Variants in CELF2 observed in about 807,000 individuals in gnomAD.
CELF2 encodes CUGBP Elav-like family member 2, also known as CUG triplet repeat RNA-binding protein 2.
CELF2 carries 8 observed loss-of-function variants against 62.6 expected under a neutral mutation model. That is an observed-to-expected ratio of 0.13 (90% confidence interval 0.07 to 0.23). The LOEUF (loss-of-function observed/expected upper bound fraction) is 0.23. Among genes scored for constraint, CELF2 ranks in the 10% least tolerant of loss-of-function variants. The pLI, the probability that CELF2 is intolerant of heterozygous loss-of-function variation, is 1.00. For missense variants in CELF2, 333 were observed against 671.0 expected (o/e 0.50, Z 5.56); for synonymous variants, 258 against 250.0 (o/e 1.03, Z -0.30).
At chr10:11,017,490 C>T (rs140805199), upstream of CELF2, among the ~76,000 whole-genome samples, 39 of 152,310 alleles carry the variant, frequency 2.6e-4, no homozygotes, top group East Asian at 7.2e-3. The surrounding 1 kb of genome is among the most constrained non-coding windows in gnomAD (Gnocchi z 5.5). Context: ...CGGTGATCGC[C>T]CTTAGTTCCT....
chr10:10,925,481 C>T (rs530871194), intron 2 of CELF2, among the ~76,000 whole-genome samples: 1 of 152,048 alleles, frequency 6.6e-6, no homozygotes, highest in Non-Finnish European at 1.5e-5. Context: ...CAGACGGACA[C>T]CATCTCTTCT....
the CELF2 span, among the ~76,000 whole-genome samples, chr10:10,576,457 A>G: frequency 1.3e-5 from 2 of 152,116 alleles, no homozygotes; most frequent in Non-Finnish European, 2.9e-5. Flanking sequence ...CTTCTAACGT[A>G]TTAGTTAATA....
intron 2 of CELF2, among the ~76,000 whole-genome samples, chr10:11,204,592 C>A (rs904752623): frequency 6.6e-6 from 1 of 152,238 alleles, no homozygotes; most frequent in Non-Finnish European, 1.5e-5. Flanking sequence ...AGCAGCCACC[C>A]GCAGAGAGCT....
chr10:10,773,184 A>C, the CELF2 span, among the ~76,000 whole-genome samples: 352 of 152,316 alleles, frequency 2.3e-3, 1 homozygote, highest in Admixed American at 3.2e-3. Context: ...GGGAGGGAAA[A>C]ATAACCCCCC....
the CELF2 span, among the ~76,000 whole-genome samples, chr10:10,532,034 G>A: frequency 2.6e-5 from 4 of 152,354 alleles, no homozygotes; most frequent in South Asian, 8.3e-4. Flanking sequence ...CTGAGAGTGA[G>A]GAAAGTACAC....
chr10:10,639,490 G>A, the CELF2 span, among the ~76,000 whole-genome samples: 3,077 of 152,220 alleles, frequency 0.02, 201 homozygotes, highest in Admixed American at 0.13. Context: ...TCCTCACAAG[G>A]CACTGATGCA....
chr10:10,649,597 C>T, the CELF2 span, among the ~76,000 whole-genome samples: 5 of 152,164 alleles, frequency 3.3e-5, no homozygotes, highest in Non-Finnish European at 5.9e-5. Context: ...AATTCACTGA[C>T]ATTACCTCTG....
chr10:10,705,824 C>T, the CELF2 span, among the ~76,000 whole-genome samples: 17 of 152,156 alleles, frequency 1.1e-4, no homozygotes, highest in Admixed American at 2.6e-4. Flanking sequence ...TGTCCCAGTT[C>T]GCCATGAACA....
chr10:11,193,426 A>G (rs1335767661), intron 2 of CELF2, among the ~76,000 whole-genome samples: 4 of 152,256 alleles, frequency 2.6e-5, no homozygotes, highest in South Asian at 4.1e-4. Context: ...TGCAGAAATT[A>G]CATTTAAATG....
intron 1 of CELF2, among the ~76,000 whole-genome samples, chr10:10,918,174 A>C (rs1460328316): frequency 6.6e-6 from 1 of 152,222 alleles, no homozygotes; most frequent in Non-Finnish European, 1.5e-5. Context: ...GATAAAACAG[A>C]CACTTAAAAG....
At chr10:10,845,811 C>CA (rs1231113815) in intron 1 of CELF2, among the ~76,000 whole-genome samples, 2 of 152,064 alleles carry the variant, frequency 1.3e-5, no homozygotes, top group African/African-American at 4.8e-5. Flanking sequence ...GCTTGGAATG[C>CA]CCTCTTTCAA....
At chr10:10,811,480 G>C (rs374110173) in intron 1 of CELF2, among the ~76,000 whole-genome samples, 6 of 152,034 alleles carry the variant, frequency 3.9e-5, no homozygotes, top group African/African-American at 9.7e-5. Context: ...CCACAGAGAT[G>C]GGGGGAGAGG....
chr10:10,580,763 A>G, the CELF2 span, among the ~76,000 whole-genome samples: 1 of 152,230 alleles, frequency 6.6e-6, no homozygotes, highest in African/African-American at 2.4e-5. Flanking sequence ...CTGTCTCCTG[A>G]GAATCAGAGA....
chr10:10,595,762 A>G, the CELF2 span, among the ~76,000 whole-genome samples: 7 of 152,154 alleles, frequency 4.6e-5, no homozygotes, highest in South Asian at 1.4e-3. Context: ...CAGGTATGAT[A>G]GCATGCACCT....
rs2078475577 is a variant in CELF2 at position 11,255,603 on chromosome 10, C to T, written c.404-2135C>T. Among the ~76,000 whole-genome samples, 1 of 152,106 alleles carries T rather than the reference C, an allele frequency of 6.6e-6. No individual in the cohort carries two copies. The highest frequency in any genetic ancestry group is 1.5e-5 in the Non-Finnish European group (1 of 68,020). ...GGAATCGTGCCTTTCAACTTGTATT[C>T]CTTGGAGCCCTAGAGTTTCTGCGGT... On this transcript the variant is annotated intron_variant, in intron 4 of 12. Coordinates refer to ENST00000633077, the MANE Select transcript of CELF2 (RefSeq NM_001326342.2). This position sits in a 1 kb window ranked among gnomAD's most constrained non-coding sequence, Gnocchi z 5.5.
At chr10:11,105,027 G>A (rs1476918518) in intron 1 of CELF2, among the ~76,000 whole-genome samples, 1 of 152,206 alleles carries the variant, frequency 6.6e-6, no homozygotes, top group East Asian at 1.9e-4. Context: ...GATGTAGTTT[G>A]GCCAAGCATC....
chr10:10,644,318 T>C, the CELF2 span, among the ~76,000 whole-genome samples: 1 of 152,174 alleles, frequency 6.6e-6, no homozygotes, highest in Non-Finnish European at 1.5e-5. Context: ...TCTCATTAGT[T>C]TTTCTTATCA....
the CELF2 span, among the ~76,000 whole-genome samples, chr10:10,686,028 C>G: frequency 6.6e-6 from 1 of 152,068 alleles, no homozygotes; most frequent in Non-Finnish European, 1.5e-5. Context: ...CTACGCAAAC[C>G]GCACCTAACT....
chr10:11,150,369 T>C (rs1045225543), intron 1 of CELF2, among the ~76,000 whole-genome samples: 1 of 152,228 alleles, frequency 6.6e-6, no homozygotes, highest in Non-Finnish European at 1.5e-5. Flanking sequence ...TGCCATGTCT[T>C]AGAGGAACTT....
Sources: gnomAD v4.1 joint callset for allele counts (sites outside exome capture counted in the v4.1 genomes callset) on GRCh38, gnomAD v4.1.1 for gene constraint, Gnocchi (gnomAD v3.1) non-coding constraint, MANE v1.5 for transcripts, NCBI Gene and HGNC (gene_info 2026-07-23, HGNC 2026-07-21) for gene names.